Variants in CEP112 observed in about 807,000 individuals in gnomAD.
The protein encoded by CEP112 is centrosomal protein 112.
Under a neutral mutation model 153.0 loss-of-function variants are expected in CEP112, and 127 were observed. The observed-to-expected ratio is 0.83, with a 90% CI of 0.72 to 0.96. CEP112 has a LOEUF of 0.96. CEP112 is among the 40% of genes least tolerant of loss of function. The probability of loss-of-function intolerance (pLI) is 0.00; values close to 1 mark genes in which losing one functional copy is unlikely to be tolerated. For synonymous variants in CEP112, 358 were observed against 374.4 expected (o/e 0.96, Z 0.51); for missense variants, 1,089 against 1,101.2 (o/e 0.99, Z 0.16).
intron 4 of CEP112, among the ~76,000 whole-genome samples, chr17:66,135,045 C>A (rs1343135492): frequency 6.6e-6 from 1 of 152,126 alleles, no homozygotes; most frequent in African/African-American, 2.4e-5. Flanking sequence ...CATCTATAGT[C>A]CAAATTGCTC....
At chr17:65,920,120 G>A (rs2060646122) in intron 19 of CEP112, among the ~76,000 whole-genome samples, 1 of 151,658 alleles carries the variant, frequency 6.6e-6, no homozygotes, top group East Asian at 2.0e-4. Context: ...AGAGGCAGGT[G>A]GATCACCTGA....
chr17:66,011,357 C>T (rs1234039440), intron 16 of CEP112, among the ~76,000 whole-genome samples: 1 of 152,062 alleles, frequency 6.6e-6, no homozygotes, highest in African/African-American at 2.4e-5. Context: ...GATATGAGTG[C>T]TAAGCATTAT....
intron 16 of CEP112, among the ~76,000 whole-genome samples, chr17:66,006,426 T>G (rs1433608432): frequency 1.3e-5 from 2 of 152,042 alleles, no homozygotes; most frequent in South Asian, 2.1e-4. Context: ...ACCAACATGA[T>G]GAAACCCTGT....
At chr17:65,716,450 T>C (rs1363081809) in intron 23 of CEP112, among the ~76,000 whole-genome samples, 3 of 152,142 alleles carry the variant, frequency 2.0e-5, no homozygotes, top group East Asian at 3.9e-4. Flanking sequence ...CGTCAGCCAC[T>C]GTGCCCAGCC....
intron 4 of CEP112, among the ~76,000 whole-genome samples, chr17:66,164,680 G>A (rs1400389046): frequency 6.6e-6 from 1 of 150,504 alleles, no homozygotes; most frequent in East Asian, 2.0e-4. Flanking sequence ...AGATGGTAAA[G>A]CCCCGTCTCT....
At chr17:65,639,836 C>CTTTTTTTTTTTTTTTTTTTTTT (rs554226605) in intron 25 of CEP112, among the ~76,000 whole-genome samples, 3 of 110,964 alleles carry the variant, frequency 2.7e-5, no homozygotes, top group Non-Finnish European at 5.2e-5. Context: ...CTCTTTCTTT[C>CTTTTTTTTTTTTTTTTTTTTTT]TTTTTTTTTT....
intron 20 of CEP112, among the ~76,000 whole-genome samples, chr17:65,885,963 G>A (rs1417533757): frequency 1.3e-5 from 2 of 152,146 alleles, no homozygotes; most frequent in Admixed American, 1.3e-4. Context: ...ATCATTTCAC[G>A]TGAACCTATA....
At chr17:66,159,177 A>G (rs913029416) in intron 4 of CEP112, among the ~76,000 whole-genome samples, 2 of 152,228 alleles carry the variant, frequency 1.3e-5, no homozygotes, top group African/African-American at 4.8e-5. Flanking sequence ...GAATAGACCA[A>G]TAACAAGTTC....
intron 21 of CEP112, among the ~76,000 whole-genome samples, chr17:65,843,368 A>G (rs2057597824): frequency 6.6e-6 from 1 of 152,196 alleles, no homozygotes; most frequent in Non-Finnish European, 1.5e-5. Flanking sequence ...TTGTTGGCCA[A>G]TCAATTTTAT....
intron 21 of CEP112, among the ~76,000 whole-genome samples, chr17:65,810,961 C>T (rs920663559): frequency 6.6e-6 from 1 of 152,166 alleles, no homozygotes. Context: ...TGTTTGCCTC[C>T]ACTTTTCCAG....
At chr17:65,657,097 G>A (rs4791144) in intron 24 of CEP112, among the ~76,000 whole-genome samples, 48,013 of 152,000 alleles carry the variant, frequency 0.32, 7,830 homozygotes, top group Middle Eastern at 0.49. Context: ...GATTCACCCC[G>A]AAGGAGGGGA....
At chr17:65,646,803 A>T (rs2045455529) in intron 24 of CEP112, among the ~76,000 whole-genome samples, 1 of 152,216 alleles carries the variant, frequency 6.6e-6, no homozygotes, top group African/African-American at 2.4e-5. Context: ...TCCCCAGCAC[A>T]ACAGGGGCCA....
At chr17:65,987,486 T>C (rs1235664188) in intron 17 of CEP112, among the ~76,000 whole-genome samples, 3 of 152,114 alleles carry the variant, frequency 2.0e-5, no homozygotes, top group Non-Finnish European at 4.4e-5. Context: ...AGAAATAAAC[T>C]AAGCTTAAAC....
intron 24 of CEP112, among the ~76,000 whole-genome samples, chr17:65,660,306 CTCTT>C (rs201285467): frequency 0.016 from 2,035 of 127,746 alleles, 60 homozygotes; most frequent in African/African-American, 0.051. Flanking sequence ...TCTCTTTTCT[CTCTT>C]TCTTTCTTCC....
intron 4 of CEP112, among the ~76,000 whole-genome samples, chr17:66,161,827 A>G (rs529749502): frequency 2.0e-5 from 3 of 152,134 alleles, no homozygotes; most frequent in Non-Finnish European, 2.9e-5. Flanking sequence ...AACTTAAAGT[A>G]TATTAAAAAA....
At chr17:65,710,787 A>G (rs565359823) in intron 23 of CEP112, among the ~76,000 whole-genome samples, 18 of 152,342 alleles carry the variant, frequency 1.2e-4, no homozygotes, top group Admixed American at 9.1e-4. Flanking sequence ...TGCACTGGCC[A>G]TCCAGGTCCC....
At chr17:65,905,297 A>T (rs1217434457) in intron 19 of CEP112, among the ~76,000 whole-genome samples, 1 of 152,218 alleles carries the variant, frequency 6.6e-6, no homozygotes, top group Non-Finnish European at 1.5e-5. Flanking sequence ...GAAGGATATG[A>T]ACAGACACTT....
chr17:66,053,710 T>C (rs372547144), intron 12 of CEP112, 26 bp downstream of exon 12: 1 of 1,595,542 alleles, frequency 6.3e-7, no homozygotes. Context: ...GGTTCTAAGA[T>C]GTCAAGAACA....
intron 12 of CEP112, among the ~76,000 whole-genome samples, chr17:66,043,355 AG>A (rs1446975762): frequency 1.3e-5 from 2 of 152,212 alleles, no homozygotes; most frequent in Non-Finnish European, 2.9e-5. Flanking sequence ...GCCTACTGCT[AG>A]ATTTTGATAT....
Sources: gnomAD v4.1 joint callset for allele counts (sites outside exome capture counted in the v4.1 genomes callset) on GRCh38, gnomAD v4.1.1 for gene constraint, MANE v1.5 for transcripts, NCBI Gene and HGNC (gene_info 2026-07-23, HGNC 2026-07-21) for gene names.